GRIN3B: variants seen among roughly 807,000 people sequenced by gnomAD.
The protein encoded by GRIN3B is glutamate ionotropic receptor NMDA type subunit 3B.
Under a neutral mutation model 66.0 loss-of-function variants are expected in GRIN3B, and 77 were observed. The observed-to-expected ratio is 1.17, with a 90% confidence interval of 0.97 to 1.41. GRIN3B has a LOEUF of 1.41. Among genes scored for constraint, GRIN3B ranks in the 40% most tolerant of loss-of-function variants. The pLI is 0.00. For synonymous variants in GRIN3B, 823 were observed against 749.7 expected (o/e 1.10, Z -1.60); for missense variants, 1,787 against 1,564.5 (o/e 1.14, Z -2.40).
chr19:1,004,855 G>A lies in GRIN3B; in HGVS notation c.1354G>A (p.Asp452Asn), dbSNP rs201601935. 5.8e-5 allele frequency: 93 copies of A among 1,611,618 alleles called. No individual in the cohort carries two copies. The highest frequency in any genetic ancestry group is 1.6e-4 in the Middle Eastern group (1 of 6,082). ...GCTGTGCCTGGACCCTGGCACCAACGACTCGGCCACCCTGGACGCACTGTT... is the reference window on the plus strand; with the variant it reads ...GCTGTGCCTGGACCCTGGCACCAACAACTCGGCCACCCTGGACGCACTGTT... ...GQLCLDPGTN[D>N]SATLDALFAA... The change falls in exon 3 of 9, where the codon GAC becomes AAC. Residue 452 changes from aspartate (D) to asparagine (N), a missense_variant. Physicochemically the swap from Asp to Asn is conservative, Grantham distance 23. Coordinates refer to ENST00000234389, the MANE Select transcript of GRIN3B (RefSeq NM_138690.3).
In GRIN3B at chr19:1,004,921, A is replaced by G; in HGVS notation, c.1420A>G (p.Lys474Glu). ...CGGCTCAGCGCCCCGTGCCCTGCGC[A>G]AGTGCTGCTACGGCTACTGCATTGA... ...ANGSAPRALR[K>E]CCYGYCIDLL... Residue 474 changes from lysine to glutamate, a missense_variant, in exon 3 of 9, where the codon AAG becomes GAG. Physicochemically the swap from Lys to Glu is moderately conservative, Grantham distance 56 (BLOSUM62 1). Coordinates refer to ENST00000234389, the MANE Select transcript of GRIN3B (RefSeq NM_138690.3). 5 of 1,612,004 alleles carry G rather than the reference A, an allele frequency of 3.1e-6. No individual in the cohort carries two copies. The highest frequency in any genetic ancestry group is 4.2e-6 in the Non-Finnish European group (5 of 1,179,496).
chr19:1,004,884 C>T lies in GRIN3B; in HGVS notation c.1383C>T (p.Ala461=), dbSNP rs76549448. 2.1e-3 allele frequency: 3,294 copies of T among 1,603,492 alleles called. 53 individuals carry two copies. The East Asian group carries it at 0.04, about 20-fold the overall frequency. ...NDSATLDALF[A]ALANGSAPRA... is the part of the protein sequence containing the mutation. ...CGGCCACCCTGGACGCACTGTTCGC[C>T]GCGCTGGCCAACGGCTCAGCGCCCC... Residue 461 remains alanine (A), a synonymous_variant, in exon 3 of 9, where the codon GCC becomes GCT. Transcript: ENST00000234389.
chr19:1,003,495 G>T lies in GRIN3B; in HGVS notation c.792G>T (p.Leu264=). The T allele has an allele frequency of 6.5e-7, 1 of 1,535,638 alleles. No individual in the cohort carries two copies. Residue 264 remains leucine, a synonymous_variant, in exon 2 of 9, where the codon CTG becomes CTT. Transcript: ENST00000234389. ...CCCACTGGCTGTTGGGGACACCACT[G>T]CCGCCCAAGGCCCTGCCCACCGCGG... ...PGPHWLLGTP[L]PPKALPTAGL... is the part of the protein sequence containing the mutation.
At position 1,007,803 on chromosome 19, in the gene GRIN3B, CG is replaced by C; in HGVS notation, c.2198+34del. On this transcript the variant is annotated intron_variant, in intron 4 of 8. Transcript: ENST00000234389. The surrounding 1 kb of genome is among the most constrained non-coding windows in gnomAD (Gnocchi z 4.4). ...GCCCGGGCGCGGGGTGAGGCGGGGG[CG>C]GGGCGTGGGGTGGGCGGGGCGATGG... 2 of 1,515,658 alleles carry C rather than the reference CG, an allele frequency of 1.3e-6. No homozygotes were observed. The highest frequency in any genetic ancestry group is 4.3e-5 in the Admixed American group (2 of 46,656). The allele number at this position is 1,515,658 out of a possible 1,614,324, so 93.9% of individuals were successfully genotyped here.
chr19:1,007,658 G>T lies in GRIN3B; in HGVS notation c.2083G>T (p.Gly695Cys), dbSNP rs1315085538. The T allele has an allele frequency of 7.2e-6, 11 of 1,529,108 alleles. No individual in the cohort carries two copies. Among genetic ancestry groups the T allele is most frequent in the Non-Finnish European group, 9.6e-6 (11 of 1,140,400 alleles). The allele number at this position is 1,529,108 out of a possible 1,614,324, so 94.7% of individuals were successfully genotyped here. A position where few individuals can be genotyped will look rare whatever the true frequency, so the allele number is the denominator to read the frequency against. ...CCACCCGGCGCAGGGCTTCCGCTTC[G>T]GCACCGTGTGGGAGAGCAGCGCCGA... is the stretch of plus-strand genomic sequence containing the variant. Reference protein sequence around the residue: ...LHHPAQGFRFGTVWESSAEAY... With the variant: ...LHHPAQGFRFCTVWESSAEAY... Residue 695 changes from glycine to cysteine, a missense_variant, in exon 4 of 9, where the codon GGC (glycine) becomes TGC (cysteine). By Grantham distance (159) the Gly-to-Cys change is radical. Transcript: ENST00000234389. The surrounding 1 kb of genome is among the most constrained non-coding windows in gnomAD (Gnocchi z 4.4).
rs144432988 is a variant in GRIN3B, at chr19:1,007,863, C to T, written c.2206C>T (p.Pro736Ser). 1.4e-5 allele frequency: 23 copies of T among 1,609,344 alleles called. No individual in the cohort carries two copies. In the African/African-American group the frequency reaches 2.1e-4, roughly 15 times the overall value. ...CGCCCCCGGCCCCAGCAGGAGCGAC[C>T]CCCCCAAGCTCAACGCCTTCATCAT... ...PRGVAMLTSD[P>S]PKLNAFIMDK... is the part of the protein sequence containing the mutation. The change falls in exon 5 of 9, where the codon CCC becomes TCC. Residue 736 changes from proline to serine, a missense_variant. Transcript: ENST00000234389. This position sits in a 1 kb window ranked among gnomAD's most constrained non-coding sequence, Gnocchi z 4.4.
rs575518840 is a variant in GRIN3B, at chr19:1,008,238, G to A, written c.2413G>A (p.Asp805Asn). The change falls in exon 6 of 9, where the codon GAC becomes AAC. Residue 805 changes from aspartate (D) to asparagine (N), a missense_variant. Coordinates refer to ENST00000234389, the MANE Select transcript of GRIN3B (RefSeq NM_138690.3). ...KSSGFIDLLHDKWYKMVPCGK... is the reference protein window; with the variant it reads ...KSSGFIDLLHNKWYKMVPCGK... ...CTCCGGCTTCATCGACCTGCTCCAC[G>A]ACAAGTGGTACAAGATGGTGCCTTG... 12 of 1,564,388 alleles carry A rather than the reference G, an allele frequency of 7.7e-6. No individual in the cohort carries two copies. The South Asian group carries it at 1.1e-4, about 14-fold the overall frequency.
chr19:1,006,267 G>C (rs1035695763), intron 3 of GRIN3B, among the ~76,000 whole-genome samples: 6 of 152,008 alleles, frequency 3.9e-5, no homozygotes, highest in Non-Finnish European at 8.8e-5. Flanking sequence ...TCCTGCCTCA[G>C]CCTCCCAAGT....
intron 6 of GRIN3B, 66 bp downstream of exon 6, chr19:1,008,357 G>T (rs1444824414): frequency 1.6e-6 from 2 of 1,262,608 alleles, no homozygotes; most frequent in Admixed American, 4.0e-5. Context: ...AGCCTTGTCT[G>T]AAGTGACCAA....
rs941711481 is a variant in GRIN3B at position 1,007,202 on chromosome 19, G to A, written c.2053-426G>A. Among the ~76,000 whole-genome samples the A allele has an allele frequency of 1.7e-4, 26 of 152,114 alleles. No individual in the cohort carries two copies. The highest frequency in any genetic ancestry group is 6.0e-4 in the African/African-American group (25 of 41,408). On this transcript the variant is annotated intron_variant, in intron 3 of 8. Coordinates refer to ENST00000234389, the MANE Select transcript of GRIN3B (RefSeq NM_138690.3). The surrounding 1 kb of genome is among the most constrained non-coding windows in gnomAD (Gnocchi z 4.4). ...GGAGAAACAGGGTGTCAGAGGCAGT[G>A]ACGACAGAGCTGCCTCCGCCTGGGG... is the stretch of plus-strand genomic sequence containing the variant.
Position 1,004,850 on chromosome 19 carries a change from C to T in GRIN3B, c.1349C>T (p.Thr450Ile). The T allele has an allele frequency of 2.5e-6, 4 of 1,611,868 alleles. No homozygotes were observed. Among genetic ancestry groups the T allele is most frequent in the Non-Finnish European group, 1.7e-6 (2 of 1,179,102 alleles). Residue 450 changes from threonine to isoleucine, a missense_variant, in exon 3 of 9, where the codon ACC becomes ATC. By Grantham distance (89) the Thr-to-Ile change is moderately conservative. Transcript: ENST00000234389. ...GGGCAGCTGTGCCTGGACCCTGGCA[C>T]CAACGACTCGGCCACCCTGGACGCA... ...PAGQLCLDPG[T>I]NDSATLDALF...
rs775574731 is a variant in GRIN3B at position 1,008,264 on chromosome 19, C to T, written c.2439C>T (p.Cys813=). 2.7e-6 allele frequency: 4 copies of T among 1,455,774 alleles called. No individual in the cohort carries two copies. The highest frequency in any genetic ancestry group is 1.9e-4 in the Middle Eastern group (1 of 5,220). The allele number at this position is 1,455,774 out of a possible 1,614,324, so 90.2% of individuals were successfully genotyped here. The change falls in exon 6 of 9, where the codon TGC becomes TGT. Residue 813 remains cysteine (C), a synonymous_variant. Transcript: ENST00000234389. The stretch of plus-strand genomic sequence containing the variant: ...ACAAGTGGTACAAGATGGTGCCTTG[C>T]GGCAAGCGGGTCTTTGCGGTTACAG... ...LHDKWYKMVP[C]GKRVFAVTET...
chr19:1,008,167 C>T lies in GRIN3B; in HGVS notation c.2342C>T (p.Ser781Leu), dbSNP rs776765273. 6.9e-6 allele frequency: 11 copies of T among 1,602,964 alleles called. No homozygotes were observed. In the African/African-American group the frequency reaches 9.4e-5, roughly 14 times the overall value. Residue 781 changes from serine to leucine, a missense_variant, in exon 6 of 9, where the codon TCG (serine) becomes TTG (leucine). Physicochemically the swap from Ser to Leu is moderately radical, Grantham distance 145. Coordinates refer to ENST00000234389, the MANE Select transcript of GRIN3B (RefSeq NM_138690.3). ...TATGGGATCGGACTGCCCCAGAACT[C>T]GCCGCTCACCTCCAACCTGTCCGAG... ...EGYGIGLPQN[S>L]PLTSNLSEFI... is the part of the protein sequence containing the mutation.
Position 1,009,420 on chromosome 19 carries a change from C to T in GRIN3B, c.2950C>T (p.Gln984Ter). Residue 984 changes from glutamine to a stop codon, truncating the protein, a stop_gained, in exon 9 of 9, where the codon CAG (glutamine) becomes TAG (stop). Transcript: ENST00000234389. LOFTEE classifies it low-confidence loss of function (END_TRUNC). Reference protein sequence around the residue: ...PTGAPQPGELQELERRIEVAR... With the variant: ...PTGAPQPGEL ...GGGGGCCCCCCAGCCCGGGGAGCTG[C>T]AGGAGCTGGAGCGCCGCATCGAAGT... The T allele has an allele frequency of 6.9e-7, 1 of 1,444,296 alleles. No individual in the cohort carries two copies. The highest frequency in any genetic ancestry group is 9.0e-7 in the Non-Finnish European group (1 of 1,105,062). 89.5% of individuals were successfully genotyped at this position (1,444,296 alleles called of 1,614,324 possible). A position where few individuals can be genotyped will look rare whatever the true frequency, so the allele number is the denominator to read the frequency against.
At position 1,004,711 on chromosome 19, in the gene GRIN3B, CG is replaced by C; in HGVS notation, c.1212del (p.Pro406ArgfsTer15). On this transcript the variant is annotated frameshift_variant, in exon 3 of 9. Coordinates refer to ENST00000234389, the MANE Select transcript of GRIN3B (RefSeq NM_138690.3). LOFTEE classifies it high-confidence loss of function. ...CTTGGAACCGGGAGGTGCCTCTGCACGGCCCCCGCCCCCACAGGGTGCCCAG... is the reference window on the plus strand; with the variant it reads ...CTTGGAACCGGGAGGTGCCTCTGCACGCCCCCGCCCCCACAGGGTGCCCAG... ...LDLEPGGASA[R>X]PPPPQGAQVW... 6.2e-7 allele frequency: 1 copy of C among 1,603,398 alleles called. No homozygotes were observed.
chr19:1,002,422 C>T (rs1308638664), intron 1 of GRIN3B, among the ~76,000 whole-genome samples: 2 of 144,102 alleles, frequency 1.4e-5, no homozygotes, highest in African/African-American at 2.6e-5. Flanking sequence ...GCTGAGATCA[C>T]GCCATTGCAC....
At chr19:1,008,592 C>CGG (rs2038790034) in intron 6 of GRIN3B, 26 bp from the exon 7 acceptor site, 1 of 1,588,020 alleles carries the variant, frequency 6.3e-7, no homozygotes, top group East Asian at 2.2e-5. Context: ...CGTGACCGTG[C>CGG]GGGGCTCCTG....
intron 6 of GRIN3B, 144 bp from the exon 7 acceptor site, chr19:1,008,474 C>A: frequency 9.3e-7 from 1 of 1,078,666 alleles, no homozygotes; most frequent in Non-Finnish European, 1.3e-6. Flanking sequence ...CCTCACTCCC[C>A]CCAGCCATGG....
chr19:1,003,063 G>A, intron 1 of GRIN3B, 67 bp from the exon 2 acceptor site: 2 of 1,165,456 alleles, frequency 1.7e-6, no homozygotes, highest in African/African-American at 1.7e-5. Context: ...ATCACCCGCT[G>A]CTGGGGTGGG....
Sources: gnomAD v4.1 joint callset for allele counts (sites outside exome capture counted in the v4.1 genomes callset) on GRCh38, gnomAD v4.1.1 for gene constraint, Gnocchi (gnomAD v3.1) non-coding constraint, MANE v1.5 for transcripts, NCBI Gene and HGNC (gene_info 2026-07-23, HGNC 2026-07-21) for gene names.